The following SV2C variants were observed in gnomAD, a reference collection of about 807,000 sequenced individuals.
The protein encoded by SV2C is synaptic vesicle glycoprotein 2C, also known as solute carrier family 22 member B3.
Under a neutral mutation model 79.7 loss-of-function variants are expected in SV2C, and 49 were observed. The observed-to-expected ratio is 0.61, with a 90% CI of 0.49 to 0.78. The LOEUF (loss-of-function observed/expected upper bound fraction) is 0.78, where lower values mean the gene tolerates loss of function less well. Among genes scored for constraint, SV2C ranks in the 30% least tolerant of loss-of-function variants. SV2C has a pLI of 0.00. For missense variants in SV2C, 833 were observed against 912.9 expected, an observed-to-expected ratio of 0.91 and a Z score of 1.13; for synonymous variants, 334 against 333.2, an observed-to-expected ratio of 1.00 and a Z score of -0.03.
chr5:76,015,873 A>G, the SV2C span, among the ~76,000 whole-genome samples: 1 of 152,120 alleles, frequency 6.6e-6, no homozygotes, highest in African/African-American at 2.4e-5. Flanking sequence ...TAAAATTATT[A>G]TAGTAAATCT....
chr5:76,182,819 G>A (rs550605547), intron 2 of SV2C, among the ~76,000 whole-genome samples: 10 of 152,214 alleles, frequency 6.6e-5, no homozygotes, highest in South Asian at 2.1e-4. Context: ...GAAGCAGAGC[G>A]GCATCTGTTT....
intron 4 of SV2C, among the ~76,000 whole-genome samples, chr5:76,218,948 A>G (rs768376057): frequency 5.9e-5 from 9 of 152,260 alleles, no homozygotes; most frequent in Non-Finnish European, 1.3e-4. Flanking sequence ...TTTCCTAACC[A>G]TGTTTTCTCA....
the SV2C span, among the ~76,000 whole-genome samples, chr5:76,011,267 G>A: frequency 5.3e-5 from 8 of 152,138 alleles, no homozygotes; most frequent in South Asian, 2.1e-4. Context: ...TAATAGCCAC[G>A]ATTTATCTAC....
intron 4 of SV2C, among the ~76,000 whole-genome samples, chr5:76,264,984 G>A (rs1219952622): frequency 2.0e-5 from 3 of 152,180 alleles, no homozygotes; most frequent in Admixed American, 6.5e-5. Context: ...AACCTTCCTT[G>A]TCAGGATCTG....
chr5:76,045,381 G>A, the SV2C span, among the ~76,000 whole-genome samples: 1 of 152,172 alleles, frequency 6.6e-6, no homozygotes, highest in African/African-American at 2.4e-5. Flanking sequence ...GCTTAGGATT[G>A]TCTTGGCTAT....
At chr5:76,317,226 A>G (rs1028626006) in intron 12 of SV2C, among the ~76,000 whole-genome samples, 3 of 152,200 alleles carry the variant, frequency 2.0e-5, no homozygotes, top group African/African-American at 7.2e-5. Context: ...TTTCTCTAAG[A>G]TAAATGAAAT....
At chr5:75,948,163 T>G in the SV2C span, among the ~76,000 whole-genome samples, 1 of 152,050 alleles carries the variant, frequency 6.6e-6, no homozygotes, top group African/African-American at 2.4e-5. Flanking sequence ...TGTTTATGTT[T>G]CTCCCCAACT....
the SV2C span, among the ~76,000 whole-genome samples, chr5:75,961,752 C>A: frequency 6.6e-6 from 1 of 151,852 alleles, no homozygotes; most frequent in East Asian, 1.9e-4. Flanking sequence ...TTTAGATCAA[C>A]ATATATGCAA....
the SV2C span, among the ~76,000 whole-genome samples, chr5:76,051,242 A>G: frequency 1.3e-5 from 2 of 152,152 alleles, no homozygotes; most frequent in Admixed American, 6.5e-5. Flanking sequence ...ACAACAGAAA[A>G]CATTTCTTTT....
At chr5:76,103,834 G>A (rs1303058574) in intron 1 of SV2C, among the ~76,000 whole-genome samples, 1 of 152,196 alleles carries the variant, frequency 6.6e-6, no homozygotes, top group East Asian at 1.9e-4. Context: ...TTAGAATATA[G>A]CAAAAGAGGA....
the SV2C span, among the ~76,000 whole-genome samples, chr5:75,909,932 C>A: frequency 6.6e-6 from 1 of 152,160 alleles, no homozygotes; most frequent in Admixed American, 6.5e-5. Flanking sequence ...ACAATAATAG[C>A]CGGTGTTTGA....
intron 4 of SV2C, among the ~76,000 whole-genome samples, chr5:76,279,574 G>A (rs140859116): frequency 2.0e-5 from 3 of 152,344 alleles, no homozygotes; most frequent in Admixed American, 6.5e-5. Flanking sequence ...TGATTAGAGT[G>A]CAACCATTAA....
the SV2C span, among the ~76,000 whole-genome samples, chr5:76,049,731 A>G: frequency 1.3e-5 from 2 of 152,234 alleles, no homozygotes; most frequent in African/African-American, 2.4e-5. Context: ...TTTGTTTTAC[A>G]TTAAACACTT....
chr5:75,853,208 C>A, the SV2C span, among the ~76,000 whole-genome samples: 1 of 151,914 alleles, frequency 6.6e-6, no homozygotes, highest in Non-Finnish European at 1.5e-5. Context: ...GGCATAATAC[C>A]GAATACTAGA....
chr5:75,986,597 A>G, the SV2C span, among the ~76,000 whole-genome samples: 1 of 152,008 alleles, frequency 6.6e-6, no homozygotes, highest in African/African-American at 2.4e-5. Flanking sequence ...TACAGCAGCA[A>G]TAGAAAACTA....
chr5:76,166,973 A>G (rs1016784219), intron 2 of SV2C, among the ~76,000 whole-genome samples: 3 of 152,178 alleles, frequency 2.0e-5, no homozygotes, highest in African/African-American at 7.2e-5. Flanking sequence ...GAATTACAGC[A>G]CTTAAAGGAA....
the SV2C span, among the ~76,000 whole-genome samples, chr5:75,927,018 T>C: frequency 2.6e-5 from 4 of 152,170 alleles, no homozygotes; most frequent in Non-Finnish European, 5.9e-5. Context: ...AAAGCCTGAA[T>C]TTTGAATATG....
intron 2 of SV2C, among the ~76,000 whole-genome samples, chr5:76,193,096 C>A (rs1744157303): frequency 6.6e-6 from 1 of 152,082 alleles, no homozygotes; most frequent in Non-Finnish European, 1.5e-5. Flanking sequence ...TGTTTTTGTC[C>A]TTCTCTGAAT....
chr5:76,097,272 A>T (rs545489296), intron 1 of SV2C, among the ~76,000 whole-genome samples: 1 of 152,352 alleles, frequency 6.6e-6, no homozygotes, highest in African/African-American at 2.4e-5. Flanking sequence ...TATCTTTTGC[A>T]CAATTTTGAT....
Sources: gnomAD v4.1 joint callset for allele counts (sites outside exome capture counted in the v4.1 genomes callset) on GRCh38, gnomAD v4.1.1 for gene constraint, MANE v1.5 for transcripts, NCBI Gene and HGNC (gene_info 2026-07-23, HGNC 2026-07-21) for gene names.